ZBTB20: variants seen among roughly 807,000 people sequenced by gnomAD.
The protein encoded by ZBTB20 is zinc finger and BTB domain-containing protein 20.
In ZBTB20, 9 loss-of-function variants were observed where a neutral mutation model predicts 56.9. The ratio of observed to expected loss-of-function variants is 0.16; its 90% CI spans 0.10 to 0.28. The LOEUF (loss-of-function observed/expected upper bound fraction) is 0.28. Ranked by LOEUF, ZBTB20 falls within the 10% of genes least tolerant of loss-of-function variation. ZBTB20 has a pLI of 1.00. For synonymous variants in ZBTB20, 417 were observed against 420.7 expected (o/e 0.99, Z 0.11); for missense variants, 655 against 1,003.0 (o/e 0.65, Z 4.69).
chr3:114,710,679 C>A (rs368779628), intron 5 of ZBTB20, among the ~76,000 whole-genome samples: 1 of 152,274 alleles, frequency 6.6e-6, no homozygotes, highest in African/African-American at 2.4e-5. Context: ...TCATCCCCTC[C>A]CCACTGCCAT....
intron 6 of ZBTB20, among the ~76,000 whole-genome samples, chr3:114,563,660 C>G (rs565778940): frequency 6.6e-6 from 1 of 152,242 alleles, no homozygotes; most frequent in South Asian, 2.1e-4. Context: ...GAATGTACTG[C>G]TGATAACTAG....
intron 1 of ZBTB20, among the ~76,000 whole-genome samples, chr3:115,129,182 CTAGT>C (rs1345532626): frequency 1.3e-5 from 2 of 151,920 alleles, no homozygotes; most frequent in African/African-American, 4.8e-5. Context: ...GAAGATTAAA[CTAGT>C]TAAACATATT....
intron 4 of ZBTB20, among the ~76,000 whole-genome samples, chr3:114,822,586 A>G (rs548454274): frequency 8.0e-4 from 121 of 152,096 alleles, no homozygotes; most frequent in Non-Finnish European, 1.3e-3. Context: ...GCAAAAACAA[A>G]ACAAACATTC....
intron 5 of ZBTB20, chr3:114,792,148 T>C (rs1368200834): frequency 1.3e-5 from 2 of 152,200 alleles, no homozygotes; most frequent in East Asian, 3.8e-4. Flanking sequence ...TTCCTCCCTC[T>C]TACAAAAGCT....
In ZBTB20 at chr3:114,335,489, C is replaced by T. The variant is rs1234550635; in HGVS notation, c.*3516G>A. 6.6e-6 allele frequency: 1 copy of T among 152,196 alleles called. No homozygotes were observed. Among genetic ancestry groups the T allele is most frequent in the East Asian group, 1.9e-4 (1 of 5,198 alleles). The allele number at this position is 152,196 out of a possible 1,614,324, so 9.4% of individuals were successfully genotyped here. A position where few individuals can be genotyped will look rare whatever the true frequency, so the allele number is the denominator to read the frequency against. On this transcript the variant is annotated 3_prime_UTR_variant, in exon 12 of 12. Coordinates refer to ENST00000675478, the MANE Select transcript of ZBTB20 (RefSeq NM_001348800.3). ...ATTGACAATCTAAAAGCATCTCTAT[C>T]CTTTTGAAACAGGTCCAGATTGGTT... is the stretch of plus-strand genomic sequence containing the variant.
chr3:114,445,231 T>C (rs1185747216), intron 7 of ZBTB20, among the ~76,000 whole-genome samples: 1 of 152,202 alleles, frequency 6.6e-6, no homozygotes, highest in Non-Finnish European at 1.5e-5. Context: ...ATCCTTGCAA[T>C]AGTAAATTCT....
Position 114,398,735 on chromosome 3 carries a change from T to C in ZBTB20, c.-254-9630A>G, listed in dbSNP as rs146691672. ...GGTAACTTGATGAAAAGAAAAAGGA[T>C]ATTTTCCTACTTAAGGAAGTCAGGG... On this transcript the variant is annotated intron_variant, in intron 7 of 11. Coordinates refer to ENST00000675478, the MANE Select transcript of ZBTB20 (RefSeq NM_001348800.3). Among the ~76,000 whole-genome samples, 331 of 152,270 alleles carry C rather than the reference T, an allele frequency of 2.2e-3. 3 individuals carry two copies. Among genetic ancestry groups the C allele is most frequent in the African/African-American group, 7.5e-3 (310 of 41,558 alleles).
chr3:114,402,823 G>A (rs1323625548), intron 7 of ZBTB20, among the ~76,000 whole-genome samples: 1 of 152,110 alleles, frequency 6.6e-6, no homozygotes, highest in Non-Finnish European at 1.5e-5. Flanking sequence ...CTGACTTCTG[G>A]AAGGGCAGGA....
At chr3:114,856,735 T>C (rs1024644543) in intron 4 of ZBTB20, among the ~76,000 whole-genome samples, 3 of 152,194 alleles carry the variant, frequency 2.0e-5, no homozygotes, top group Admixed American at 2.0e-4. Context: ...ACCTTTAGCA[T>C]TTTGCAAATT....
intron 5 of ZBTB20, among the ~76,000 whole-genome samples, chr3:114,702,214 G>A (rs1298927851): frequency 6.6e-6 from 1 of 152,014 alleles, no homozygotes; most frequent in Non-Finnish European, 1.5e-5. Context: ...ATGGTGGCAC[G>A]TGCCTATAGT....
At chr3:115,085,466 C>G (rs1458822884) in intron 1 of ZBTB20, among the ~76,000 whole-genome samples, 1 of 151,864 alleles carries the variant, frequency 6.6e-6, no homozygotes, top group Non-Finnish European at 1.5e-5. Flanking sequence ...AAAGGAAAGG[C>G]CTCTTTTAAG....
At chr3:114,938,471 C>T (rs2076622434) in intron 3 of ZBTB20, among the ~76,000 whole-genome samples, 1 of 146,296 alleles carries the variant, frequency 6.8e-6, no homozygotes, top group Admixed American at 6.6e-5. Context: ...GCCACATATA[C>T]ACCATGGAAT....
At chr3:114,927,407 G>A (rs949087547) in intron 3 of ZBTB20, among the ~76,000 whole-genome samples, 3 of 152,180 alleles carry the variant, frequency 2.0e-5, no homozygotes, top group African/African-American at 7.2e-5. Flanking sequence ...TCCTGAGACT[G>A]TGTCATGGGC....
intron 7 of ZBTB20, among the ~76,000 whole-genome samples, chr3:114,497,756 C>T (rs920978077): frequency 1.6e-4 from 25 of 152,280 alleles, no homozygotes; most frequent in Middle Eastern, 3.4e-3. Context: ...TTATTTATCC[C>T]GGAGTTTCCA....
At chr3:115,036,796 G>A (rs1050866215) in intron 2 of ZBTB20, among the ~76,000 whole-genome samples, 2 of 152,118 alleles carry the variant, frequency 1.3e-5, no homozygotes, top group Non-Finnish European at 2.9e-5. Flanking sequence ...TGGGCTTGAA[G>A]AGATAGCATT....
At chr3:114,502,007 C>T (rs1399596711) in intron 6 of ZBTB20, among the ~76,000 whole-genome samples, 4 of 152,026 alleles carry the variant, frequency 2.6e-5, no homozygotes, top group Non-Finnish European at 4.4e-5. Flanking sequence ...CGTGCCCAGA[C>T]CCATCAGTGT....
intron 1 of ZBTB20, among the ~76,000 whole-genome samples, chr3:115,143,011 GA>G (rs902700329): frequency 2.6e-4 from 39 of 151,994 alleles, no homozygotes; most frequent in African/African-American, 8.9e-4. Context: ...TGACAGATGG[GA>G]AAAAAAATTA....
At chr3:114,702,591 T>C (rs1291534403) in intron 5 of ZBTB20, among the ~76,000 whole-genome samples, 1 of 152,032 alleles carries the variant, frequency 6.6e-6, no homozygotes, top group African/African-American at 2.4e-5. Context: ...AGTATGTGTA[T>C]GTACATACTT....
chr3:114,369,091 T>G (rs956901648), intron 10 of ZBTB20, among the ~76,000 whole-genome samples: 2 of 152,224 alleles, frequency 1.3e-5, no homozygotes, highest in African/African-American at 4.8e-5. Context: ...ATTGTCTCCT[T>G]TACATCTAAA....
Sources: gnomAD v4.1 joint callset for allele counts (sites outside exome capture counted in the v4.1 genomes callset) on GRCh38, gnomAD v4.1.1 for gene constraint, MANE v1.5 for transcripts, NCBI Gene and HGNC (gene_info 2026-07-23, HGNC 2026-07-21) for gene names.